Variants in C4orf33 observed in about 807,000 individuals in gnomAD.
The protein encoded by C4orf33 is UPF0462 protein C4orf33.
A neutral mutation model predicts 24.3 loss-of-function variants in C4orf33; 20 were observed. The observed-to-expected ratio is 0.82, with a 90% CI of 0.58 to 1.19. The LOEUF (loss-of-function observed/expected upper bound fraction) is 1.19. Among genes scored for constraint, C4orf33 ranks in the 50% most tolerant of loss-of-function variants. C4orf33 has a pLI of 0.00. For synonymous variants in C4orf33, 67 were observed against 76.4 expected, an observed-to-expected ratio of 0.88 and a Z score of 0.64; for missense variants, 207 against 225.9, an observed-to-expected ratio of 0.92 and a Z score of 0.54.
rs773529616 is a variant in C4orf33 at position 129,109,309 on chromosome 4, A to G, written c.245A>G (p.His82Arg). 5.6e-6 allele frequency: 9 copies of G among 1,613,838 alleles called. No homozygotes were observed. The East Asian group carries it at 2.0e-4, about 36-fold the overall frequency. Residue 82 changes from histidine (H) to arginine (R), a missense_variant and splice_region_variant, in exon 4 of 6, where the codon CAC becomes CGC. Transcript: ENST00000425929. Reference protein sequence around the residue: ...EQYLEVELCPHGQHLVLLLSG... With the variant: ...EQYLEVELCPRGQHLVLLLSG... The stretch of plus-strand genomic sequence containing the variant: ...ATGAGGAATCTTAATTTTGACAGCC[A>G]CGGACAGCATTTAGTGCTTTTACTT...
At chr4:129,094,492 T>C (rs1406537944), upstream of C4orf33, among the ~76,000 whole-genome samples, 1 of 152,216 alleles carries the variant, frequency 6.6e-6, no homozygotes, top group African/African-American at 2.4e-5. Context: ...TTAAGAGTTT[T>C]GTTGTCCCGT....
chr4:129,097,767 C>T (rs1385434006), intron 1 of C4orf33, among the ~76,000 whole-genome samples: 3 of 152,174 alleles, frequency 2.0e-5, no homozygotes, highest in Non-Finnish European at 4.4e-5. Flanking sequence ...TTCACAGAGG[C>T]TATATCAATT....
chr4:129,094,308 T>TA (rs1554008565), upstream of C4orf33, among the ~76,000 whole-genome samples: 41,191 of 151,882 alleles, frequency 0.27, 5,873 homozygotes, highest in South Asian at 0.34. Context: ...CGTATTTTTT[T>TA]AAAAAAAATC....
rs772940021 is a variant in C4orf33, at chr4:129,111,799, A to AGAT, written c.*9_*11dup. ...GAGAAATGTGATATATAGGAGTAAT[A>AGAT]GATAACCATACCGATCATTTTTTCC... On this transcript the variant is annotated 3_prime_UTR_variant, in exon 6 of 6. Coordinates refer to ENST00000425929, the MANE Select transcript of C4orf33 (RefSeq NM_001099783.2). 1.3e-6 allele frequency: 2 copies of AGAT among 1,492,972 alleles called. No individual in the cohort carries two copies. Among genetic ancestry groups the AGAT allele is most frequent in the African/African-American group, 2.8e-5 (2 of 72,330 alleles). The allele number at this position is 1,492,972 out of a possible 1,614,324, so 92.5% of individuals were successfully genotyped here. A position where few individuals can be genotyped will look rare whatever the true frequency, so the allele number is the denominator to read the frequency against.
rs187862836 is a variant in C4orf33 at position 129,105,346 on chromosome 4, T to C, written c.182-1241T>C. On this transcript the variant is annotated intron_variant, in intron 2 of 5. Transcript: ENST00000425929. Reference sequence around the variant, plus strand: ...CATTATAGAGGGAAACCTGCTCTACTAAAAGTCTACTGATTTTAATGTTAA... The same window carrying C: ...CATTATAGAGGGAAACCTGCTCTACCAAAAGTCTACTGATTTTAATGTTAA... 2.6e-5 allele frequency among the ~76,000 whole-genome samples: 4 copies of C among 152,152 alleles called. 1 individual carries two copies. Among genetic ancestry groups the C allele is most frequent in the Admixed American group, 6.5e-5 (1 of 15,292 alleles).
upstream of C4orf33, chr4:129,094,168 A>G (rs1040003649): frequency 1.3e-5 from 2 of 152,230 alleles, no homozygotes; most frequent in African/African-American, 4.8e-5. Context: ...CTTCAAAGAT[A>G]AGCTTGTTTC....
At chr4:129,105,939 C>A (rs1187314414) in intron 2 of C4orf33, among the ~76,000 whole-genome samples, 1 of 152,172 alleles carries the variant, frequency 6.6e-6, no homozygotes, top group Non-Finnish European at 1.5e-5. Flanking sequence ...TTGCAGACAT[C>A]TAGACATAGA....
intron 1 of C4orf33, among the ~76,000 whole-genome samples, chr4:129,097,866 G>GA (rs1190049530): frequency 6.6e-6 from 1 of 152,092 alleles, no homozygotes; most frequent in African/African-American, 2.4e-5. Context: ...CAATCTAAGT[G>GA]AAAAATGGTA....
chr4:129,095,671 G>A (rs1753185999), upstream of C4orf33, among the ~76,000 whole-genome samples: 1 of 152,164 alleles, frequency 6.6e-6, no homozygotes, highest in Non-Finnish European at 1.5e-5. Flanking sequence ...GTACCAGGAA[G>A]AATACAAAGT....
rs563473066 is a variant in C4orf33, at chr4:129,116,516, GC to G, written c.*4728del. 8 of 152,146 alleles carry G rather than the reference GC, an allele frequency of 5.3e-5. No individual in the cohort carries two copies. Among genetic ancestry groups the G allele is most frequent in the Non-Finnish European group, 1.2e-4 (8 of 68,024 alleles). 9.4% of individuals were successfully genotyped at this position (152,146 alleles called of 1,614,324 possible). On this transcript the variant is annotated 3_prime_UTR_variant, in exon 6 of 6. Coordinates refer to ENST00000425929, the MANE Select transcript of C4orf33 (RefSeq NM_001099783.2). ...ACTGAAAGCCCATGTTTGTAATAAT[GC>G]CCTAAAGCACTGCAGTACCTAGAGT...
Position 129,113,272 on chromosome 4 carries a change from CTT to C in C4orf33, c.*1482_*1483del, listed in dbSNP as rs1753725842. 6.6e-6 allele frequency: 1 copy of C among 152,130 alleles called. No homozygotes were observed. Among genetic ancestry groups the C allele is most frequent in the Non-Finnish European group, 1.5e-5 (1 of 67,996 alleles). 9.4% of individuals were successfully genotyped at this position (152,130 alleles called of 1,614,324 possible). A position where few individuals can be genotyped will look rare whatever the true frequency, so the allele number is the denominator to read the frequency against. On this transcript the variant is annotated 3_prime_UTR_variant, in exon 6 of 6. Coordinates refer to ENST00000425929, the MANE Select transcript of C4orf33 (RefSeq NM_001099783.2). ...TTGTTTAGATGTTTTTTAAACATCT[CTT>C]AACTTTCTTTCATCTAGATAAGGCA...
At position 129,116,361 on chromosome 4, in the gene C4orf33, G is replaced by A. The variant is rs558842631; in HGVS notation, c.*4570G>A. On this transcript the variant is annotated 3_prime_UTR_variant, in exon 6 of 6. Transcript: ENST00000425929. ...ACTGGCTCCTGAGAGAGCTTTGGGT[G>A]TTCTGTAAATTTTTTACTTTGCACT... The A allele has an allele frequency of 1.3e-5, 2 of 152,270 alleles. No homozygotes were observed. The highest frequency in any genetic ancestry group is 6.5e-5 in the Admixed American group (1 of 15,286). The allele number at this position is 152,270 out of a possible 1,614,324, so 9.4% of individuals were successfully genotyped here.
In C4orf33 at chr4:129,111,791, G is replaced by C. The variant is rs1753698973; in HGVS notation, c.600G>C (p.Ter200TyrextTer2). Residue 200 changes from the stop codon to tyrosine (Y), a stop_lost, in exon 6 of 6, where the codon TAG (stop) becomes TAC (tyrosine). Transcript: ENST00000425929. Reference protein sequence around the residue: ...DLWLIEKCDI* With the variant: ...DLWLIEKCDIY ...GGCTAATAGAGAAATGTGATATATA[G>C]GAGTAATAGATAACCATACCGATCA... The C allele has an allele frequency of 1.3e-6, 2 of 1,544,448 alleles. No homozygotes were observed. The highest frequency in any genetic ancestry group is 2.7e-5 in the African/African-American group (2 of 73,582).
At position 129,116,211 on chromosome 4, in the gene C4orf33, A is replaced by T. The variant is rs1213589898; in HGVS notation, c.*4420A>T. On this transcript the variant is annotated 3_prime_UTR_variant, in exon 6 of 6. Transcript: ENST00000425929. ...TCTTTTCCATGTAATGGGATCTACGAGTAAATTTTTGTCTGATATTTATAA... is the reference window on the plus strand; with the variant it reads ...TCTTTTCCATGTAATGGGATCTACGTGTAAATTTTTGTCTGATATTTATAA... 1 of 152,136 alleles carries T rather than the reference A, an allele frequency of 6.6e-6. No individual in the cohort carries two copies. The highest frequency in any genetic ancestry group is 2.4e-5 in the African/African-American group (1 of 41,438). The allele number at this position is 152,136 out of a possible 1,614,324, so 9.4% of individuals were successfully genotyped here. A position where few individuals can be genotyped will look rare whatever the true frequency, so the allele number is the denominator to read the frequency against.
intron 1 of C4orf33, among the ~76,000 whole-genome samples, chr4:129,097,033 C>T (rs1267303742): frequency 1.3e-5 from 2 of 152,128 alleles, no homozygotes; most frequent in Non-Finnish European, 2.9e-5. Context: ...CTCAACCTCC[C>T]GAGTAGCTGG....
chr4:129,100,827 C>T (rs2125799765), intron 1 of C4orf33: 1 of 152,310 alleles, frequency 6.6e-6, no homozygotes, highest in East Asian at 1.9e-4. Flanking sequence ...AGTCATTCAG[C>T]ATTTCTAACG....
chr4:129,103,970 T>C (rs1487823479), intron 2 of C4orf33, among the ~76,000 whole-genome samples: 1 of 152,200 alleles, frequency 6.6e-6, no homozygotes. Context: ...AACGGGTATA[T>C]AGCATCTTCC....
At chr4:129,108,875 T>G (rs1041281854) in intron 3 of C4orf33, among the ~76,000 whole-genome samples, 18 of 152,124 alleles carry the variant, frequency 1.2e-4, no homozygotes, top group African/African-American at 4.3e-4. Flanking sequence ...CCTATAATTA[T>G]CCAATATTAA....
At position 129,115,403 on chromosome 4, in the gene C4orf33, GA is replaced by G. The variant is rs1171113253; in HGVS notation, c.*3614del. On this transcript the variant is annotated 3_prime_UTR_variant, in exon 6 of 6. Coordinates refer to ENST00000425929, the MANE Select transcript of C4orf33 (RefSeq NM_001099783.2). ...GCTTTTCTGACACCTCAGTTATGTGGAACACCTGTGGGAATCTGCTAATCTA... is the reference window on the plus strand; with the variant it reads ...GCTTTTCTGACACCTCAGTTATGTGGACACCTGTGGGAATCTGCTAATCTA... 6.6e-6 allele frequency: 1 copy of G among 152,060 alleles called. No individual in the cohort carries two copies. The highest frequency in any genetic ancestry group is 1.5e-5 in the Non-Finnish European group (1 of 68,028). 9.4% of individuals were successfully genotyped at this position (152,060 alleles called of 1,614,324 possible). A position where few individuals can be genotyped will look rare whatever the true frequency, so the allele number is the denominator to read the frequency against.
Sources: gnomAD v4.1 joint callset for allele counts (sites outside exome capture counted in the v4.1 genomes callset) on GRCh38, gnomAD v4.1.1 for gene constraint, MANE v1.5 for transcripts, NCBI Gene and HGNC (gene_info 2026-07-23, HGNC 2026-07-21) for gene names.